Variants in DGKB observed in about 807,000 individuals in gnomAD.
DGKB encodes the protein 90 kDa diacylglycerol kinase.
In DGKB, 67 loss-of-function variants were observed where a neutral mutation model predicts 114.3. The observed-to-expected ratio is 0.59, with a 90% CI of 0.48 to 0.72. The LOEUF is 0.72. DGKB is among the 30% of genes least tolerant of loss of function. DGKB has a pLI of 0.00. For synonymous variants in DGKB, 398 were observed against 323.1 expected, an observed-to-expected ratio of 1.23 and a Z score of -2.49; for missense variants, 907 against 975.2, an observed-to-expected ratio of 0.93 and a Z score of 0.93.
intron 2 of DGKB, among the ~76,000 whole-genome samples, chr7:14,822,913 G>C (rs1181549588): frequency 1.3e-5 from 2 of 152,020 alleles, no homozygotes; most frequent in Non-Finnish European, 2.9e-5. Context: ...AATCAGAGAT[G>C]TCTTCAAATA....
chr7:14,911,730 G>A (rs557482214), intron 1 of DGKB, among the ~76,000 whole-genome samples: 1 of 152,196 alleles, frequency 6.6e-6, no homozygotes, highest in South Asian at 2.1e-4. Flanking sequence ...AAAGCATCTG[G>A]GTACTATGAT....
chr7:14,821,906 G>C (rs1282780641), intron 2 of DGKB, among the ~76,000 whole-genome samples: 1 of 152,108 alleles, frequency 6.6e-6, no homozygotes, highest in Non-Finnish European at 1.5e-5. Context: ...AAGAGAAATG[G>C]TGAAATTATT....
intron 1 of DGKB, among the ~76,000 whole-genome samples, chr7:14,847,562 C>T (rs1022436837): frequency 5.9e-5 from 9 of 152,170 alleles, no homozygotes; most frequent in Admixed American, 2.0e-4. Flanking sequence ...GGCATCATGC[C>T]AGACACTGGG....
chr7:14,541,335 A>G (rs549848561), intron 20 of DGKB, among the ~76,000 whole-genome samples: 8 of 152,340 alleles, frequency 5.3e-5, no homozygotes, highest in Admixed American at 2.6e-4. Flanking sequence ...GTGCTTCTAA[A>G]CTGCATGAAA....
At chr7:14,251,269 TTC>T (rs1382294531) in intron 23 of DGKB, among the ~76,000 whole-genome samples, 1 of 152,168 alleles carries the variant, frequency 6.6e-6, no homozygotes, top group Non-Finnish European at 1.5e-5. Flanking sequence ...TGTGATTCAT[TTC>T]TCTTTTGTGT....
At chr7:14,714,176 A>G (rs1273918013) in intron 6 of DGKB, among the ~76,000 whole-genome samples, 6 of 151,960 alleles carry the variant, frequency 3.9e-5, no homozygotes, top group African/African-American at 1.5e-4. Flanking sequence ...AAGAAGATTC[A>G]TGATGCAGGG....
At chr7:14,233,241 C>A (rs760511778) in intron 23 of DGKB, among the ~76,000 whole-genome samples, 9 of 152,070 alleles carry the variant, frequency 5.9e-5, no homozygotes, top group Admixed American at 2.6e-4. Context: ...GGTGGGGAAA[C>A]AATTTTCAGA....
chr7:14,664,738 G>C (rs907857829), intron 13 of DGKB, among the ~76,000 whole-genome samples: 5 of 151,898 alleles, frequency 3.3e-5, no homozygotes, highest in Non-Finnish European at 7.4e-5. Flanking sequence ...CCCACCTCTA[G>C]AGCCCCTGTA....
At chr7:14,957,967 AC>A (rs1786607536) in intron 1 of DGKB, among the ~76,000 whole-genome samples, 1 of 152,126 alleles carries the variant, frequency 6.6e-6, no homozygotes, top group African/African-American at 2.4e-5. Context: ...TAGAAATACA[AC>A]CTTGTTAACA....
At chr7:14,818,382 G>A (rs1318106129) in intron 2 of DGKB, among the ~76,000 whole-genome samples, 1 of 152,156 alleles carries the variant, frequency 6.6e-6, no homozygotes, top group Non-Finnish European at 1.5e-5. Context: ...TGAACCAGCA[G>A]GCTCTGATGG....
chr7:14,499,385 C>T (rs533027722), intron 20 of DGKB, among the ~76,000 whole-genome samples: 69 of 150,366 alleles, frequency 4.6e-4, no homozygotes, highest in African/African-American at 1.7e-3. Context: ...ATGTTTTGCT[C>T]ATTCAGAATA....
chr7:14,334,229 T>C (rs1437139498), intron 23 of DGKB, among the ~76,000 whole-genome samples: 2 of 152,178 alleles, frequency 1.3e-5, no homozygotes, highest in African/African-American at 4.8e-5. Flanking sequence ...TGGTGGTATT[T>C]GCACAATATT....
At chr7:14,179,541 C>G (rs902871714) in intron 23 of DGKB, among the ~76,000 whole-genome samples, 3 of 152,154 alleles carry the variant, frequency 2.0e-5, no homozygotes, top group African/African-American at 7.2e-5. Flanking sequence ...AGGGAATCCA[C>G]TTTGTACAGA....
chr7:14,878,759 A>AAC (rs66554688), intron 1 of DGKB, among the ~76,000 whole-genome samples: 12 of 113,032 alleles, frequency 1.1e-4, no homozygotes, highest in Non-Finnish European at 2.0e-4. Flanking sequence ...AAAAAACAAA[A>AAC]AAAAAAAAAC....
chr7:14,191,343 A>G (rs17763518), intron 23 of DGKB: 13,885 of 155,672 alleles, frequency 0.089, 855 homozygotes, highest in Admixed American at 0.19. Context: ...ATGCCAACAC[A>G]GTAACATCTG....
At chr7:14,878,276 A>G (rs2128208587) in intron 1 of DGKB, among the ~76,000 whole-genome samples, 1 of 152,338 alleles carries the variant, frequency 6.6e-6, no homozygotes, top group Non-Finnish European at 1.5e-5. Flanking sequence ...AATGTAGAGT[A>G]AAATTTTTAC....
chr7:14,747,341 T>C (rs1833446682), intron 4 of DGKB, among the ~76,000 whole-genome samples: 1 of 150,048 alleles, frequency 6.7e-6, no homozygotes, highest in South Asian at 2.1e-4. Flanking sequence ...CACAGGATTG[T>C]GCCACCATGC....
intron 21 of DGKB, among the ~76,000 whole-genome samples, chr7:14,477,759 G>A (rs1411639580): frequency 6.6e-6 from 1 of 152,038 alleles, no homozygotes; most frequent in Non-Finnish European, 1.5e-5. Flanking sequence ...GAAGCTGATA[G>A]TCCAAAGATA....
chr7:14,469,475 AG>A (rs992828725), intron 21 of DGKB, among the ~76,000 whole-genome samples: 9 of 152,084 alleles, frequency 5.9e-5, no homozygotes, highest in Non-Finnish European at 2.9e-5. Context: ...CAAAAAAGGA[AG>A]GGAGAAAAGT....
Sources: gnomAD v4.1 joint callset for allele counts (sites outside exome capture counted in the v4.1 genomes callset) on GRCh38, gnomAD v4.1.1 for gene constraint, MANE v1.5 for transcripts, NCBI Gene and HGNC (gene_info 2026-07-23, HGNC 2026-07-21) for gene names.